The following TENM2 variants were observed in gnomAD, a reference collection of about 807,000 sequenced individuals.
TENM2 encodes the protein teneurin transmembrane protein 2.
TENM2 carries 52 observed loss-of-function variants against 245.2 expected under a neutral mutation model. The ratio of observed to expected loss-of-function variants is 0.21; its 90% confidence interval spans 0.17 to 0.27. The LOEUF (loss-of-function observed/expected upper bound fraction) is 0.27, where lower values mean the gene tolerates loss of function less well. Among genes scored for constraint, TENM2 ranks in the 10% least tolerant of loss-of-function variants. TENM2 has a pLI of 1.00. For synonymous variants in TENM2, 1,363 were observed against 1,438.9 expected (o/e 0.95, Z 1.19); for missense variants, 3,046 against 3,666.8 (o/e 0.83, Z 4.37).
chr5:167,721,793 A>C (rs1334328265), intron 2 of TENM2, among the ~76,000 whole-genome samples: 1 of 152,200 alleles, frequency 6.6e-6, no homozygotes, highest in Non-Finnish European at 1.5e-5. Context: ...TAGGACATAG[A>C]CATTGTTGGG....
In TENM2 at chr5:168,036,693, ATATATATGTATGTG is replaced by A. The variant is rs1231300035; in HGVS notation, c.1187-10726_1187-10713del. Among the ~76,000 whole-genome samples the A allele has an allele frequency of 1.4e-4, 16 of 115,536 alleles. No homozygotes were observed. The East Asian group carries it at 2.0e-3, about 15-fold the overall frequency. The allele number at this position is 115,536 out of a possible 152,430, so 75.8% of individuals were successfully genotyped here. On this transcript the variant is annotated intron_variant, in intron 5 of 28. Coordinates refer to ENST00000518659, the Ensembl canonical transcript of TENM2. ...TATGTATGTGTATATATATATATAT[ATATATATGTATGTG>A]TATATATATGTATGTGTATATATAT...
intron 2 of TENM2, among the ~76,000 whole-genome samples, chr5:167,692,451 A>G (rs1290028033): frequency 2.0e-5 from 3 of 152,166 alleles, no homozygotes; most frequent in Admixed American, 6.5e-5. Flanking sequence ...TTTAATTAAC[A>G]TCTCAGGCAT....
intron 3 of TENM2, chr5:167,948,690 G>C (rs189660866): frequency 3.9e-5 from 6 of 152,156 alleles, no homozygotes; most frequent in African/African-American, 1.4e-4. Flanking sequence ...TTGATACTGT[G>C]TAAGAATTTA....
At chr5:167,918,400 G>T (rs899009161) in intron 3 of TENM2, among the ~76,000 whole-genome samples, 11 of 152,264 alleles carry the variant, frequency 7.2e-5, no homozygotes, top group African/African-American at 2.6e-4. Flanking sequence ...TGCTTGCCTC[G>T]TCTGGGAGGA....
At chr5:167,050,605 G>A in the TENM2 span, among the ~76,000 whole-genome samples, 1 of 152,146 alleles carries the variant, frequency 6.6e-6, no homozygotes, top group Non-Finnish European at 1.5e-5. Context: ...GAATGAGAGT[G>A]AGGCAGGACT....
At chr5:167,192,586 T>C in the TENM2 span, among the ~76,000 whole-genome samples, 1 of 151,996 alleles carries the variant, frequency 6.6e-6, no homozygotes, top group Non-Finnish European at 1.5e-5. Context: ...CCACATTGGG[T>C]GTGATCTATT....
At chr5:167,530,610 CCAGGAAA>C (rs756930283) in intron 2 of TENM2, among the ~76,000 whole-genome samples, 2 of 152,186 alleles carry the variant, frequency 1.3e-5, no homozygotes, top group Middle Eastern at 6.3e-3. Flanking sequence ...GGCTCCTGAT[CCAGGAAA>C]CAAGGTTCCC....
the TENM2 span, among the ~76,000 whole-genome samples, chr5:167,139,877 A>G: frequency 6.6e-6 from 1 of 152,238 alleles, no homozygotes; most frequent in African/African-American, 2.4e-5. Flanking sequence ...TACATGCTTC[A>G]TGACAGTTGG....
intron 2 of TENM2, among the ~76,000 whole-genome samples, chr5:167,843,630 G>A (rs1477363362): frequency 6.6e-6 from 1 of 152,120 alleles, no homozygotes; most frequent in Non-Finnish European, 1.5e-5. Context: ...CAGGAAAATA[G>A]AGATTATAGA....
chr5:167,411,506 A>C (rs1762903788), intron 2 of TENM2, among the ~76,000 whole-genome samples: 1 of 151,814 alleles, frequency 6.6e-6, no homozygotes, highest in Non-Finnish European at 1.5e-5. Flanking sequence ...ATCAGTCTCC[A>C]AAGGCTATGA....
At chr5:168,072,429 A>G (rs1791095882) in intron 7 of TENM2, among the ~76,000 whole-genome samples, 1 of 152,192 alleles carries the variant, frequency 6.6e-6, no homozygotes, top group East Asian at 1.9e-4. Context: ...ACCTCGTGAG[A>G]AGATGAAATA....
chr5:168,236,643 G>T (rs975846261), intron 25 of TENM2, among the ~76,000 whole-genome samples: 5 of 152,080 alleles, frequency 3.3e-5, no homozygotes, highest in Admixed American at 6.5e-5. Context: ...AATGGTTTTT[G>T]TTGTTGGCTC....
intron 3 of TENM2, among the ~76,000 whole-genome samples, chr5:167,913,227 A>G (rs996619752): frequency 1.3e-5 from 2 of 152,194 alleles, no homozygotes; most frequent in African/African-American, 4.8e-5. Context: ...GTTTCTGACT[A>G]CATTCTAATG....
chr5:167,413,236 A>C (rs1331201971), intron 2 of TENM2, among the ~76,000 whole-genome samples: 1 of 152,076 alleles, frequency 6.6e-6, no homozygotes, highest in Middle Eastern at 3.2e-3. Context: ...CAGTGTTACA[A>C]GTTAGTTCAT....
intron 2 of TENM2, among the ~76,000 whole-genome samples, chr5:167,804,335 G>A (rs149962270): frequency 2.0e-3 from 297 of 152,188 alleles, no homozygotes; most frequent in African/African-American, 6.4e-3. Flanking sequence ...AGCCCTGTTT[G>A]CAAGAGCTGA....
chr5:167,948,767 T>A (rs530397687), intron 3 of TENM2: 1 of 152,332 alleles, frequency 6.6e-6, no homozygotes, highest in East Asian at 1.9e-4. Flanking sequence ...ATAGAAGAGC[T>A]CTTAGTAATA....
chr5:168,113,043 G>A (rs1023464177), intron 9 of TENM2, among the ~76,000 whole-genome samples: 4 of 152,204 alleles, frequency 2.6e-5, no homozygotes, highest in African/African-American at 4.8e-5. Flanking sequence ...TCAGCTGGGT[G>A]TAGTGGCTCA....
chr5:168,239,283 A>G (rs766896949), intron 25 of TENM2, among the ~76,000 whole-genome samples: 1 of 152,196 alleles, frequency 6.6e-6, no homozygotes, highest in Non-Finnish European at 1.5e-5. Flanking sequence ...TGAATTTTTC[A>G]GATTTAATTA....
the TENM2 span, among the ~76,000 whole-genome samples, chr5:167,113,734 A>G: frequency 1.3e-5 from 2 of 152,220 alleles, no homozygotes; most frequent in African/African-American, 4.8e-5. Context: ...TTACCTTATG[A>G]TATTTTGATG....
Sources: gnomAD v4.1 joint callset for allele counts (sites outside exome capture counted in the v4.1 genomes callset) on GRCh38, gnomAD v4.1.1 for gene constraint, MANE v1.5 for transcripts, NCBI Gene and HGNC (gene_info 2026-07-23, HGNC 2026-07-21) for gene names.